ANTXRL: variants seen among roughly 807,000 people sequenced by gnomAD.
ANTXRL encodes the protein anthrax toxin receptor-like.
In ANTXRL, 63 loss-of-function variants were observed where a neutral mutation model predicts 75.4. That is an observed-to-expected ratio of 0.84 (90% confidence interval 0.68 to 1.03). The LOEUF (loss-of-function observed/expected upper bound fraction) is 1.03, where lower values mean the gene tolerates loss of function less well. Ranked by LOEUF, ANTXRL falls within the 50% of genes least tolerant of loss-of-function variation. The pLI, the probability that ANTXRL is intolerant of heterozygous loss-of-function variation, is 0.00. For synonymous variants in ANTXRL, 335 were observed against 291.3 expected (o/e 1.15, Z -1.53); for missense variants, 797 against 789.4 (o/e 1.01, Z -0.12).
At chr10:46,308,292 A>C (rs782506019) in intron 12 of ANTXRL, among the ~76,000 whole-genome samples, 23 of 152,092 alleles carry the variant, frequency 1.5e-4, no homozygotes, top group Non-Finnish European at 2.9e-4. Context: ...ACTGTGACAG[A>C]CACATCAGGA....
rs186672502 is a variant in ANTXRL, at chr10:46,303,582, T to C, written c.895+762T>C. Among the ~76,000 whole-genome samples the C allele has an allele frequency of 4.2e-4, 64 of 152,316 alleles. 1 individual carries two copies. Among genetic ancestry groups the C allele is most frequent in the African/African-American group, 1.4e-3 (59 of 41,556 alleles). ...GTTGGTGCTCAAGAAATGTCAGATT[T>C]TGAAGGATTTTGGGTGTGGATTTTC... is the stretch of plus-strand genomic sequence containing the variant. On this transcript the variant is annotated intron_variant, in intron 10 of 16. Coordinates refer to ENST00000620264, the MANE Select transcript of ANTXRL (RefSeq NM_001278688.3).
intron 9 of ANTXRL, among the ~76,000 whole-genome samples, chr10:46,301,754 C>T (rs1472027565): frequency 4.6e-5 from 7 of 152,218 alleles, no homozygotes; most frequent in African/African-American, 9.7e-5. Context: ...ACCCACAGCC[C>T]GCCTTGAAGG....
chr10:46,286,512 T>A (rs1369985959), upstream of ANTXRL: 1 of 152,050 alleles, frequency 6.6e-6, no homozygotes, highest in Non-Finnish European at 1.5e-5. Context: ...GCCCCAGACA[T>A]GAGGAGCCCT....
chr10:46,294,826 T>C (rs1161660118), intron 3 of ANTXRL, among the ~76,000 whole-genome samples: 1 of 126,774 alleles, frequency 7.9e-6, no homozygotes, highest in Non-Finnish European at 1.9e-5. Context: ...CCTCCCCTCC[T>C]GGGCTGGGCA....
In ANTXRL at chr10:46,315,706, A is replaced by G. The variant is rs2999409; in HGVS notation, c.1410+2390A>G. Among the ~76,000 whole-genome samples, 487 of 152,258 alleles carry G rather than the reference A, an allele frequency of 3.2e-3. 2 individuals are homozygous for G. The highest frequency in any genetic ancestry group is 8.5e-3 in the South Asian group (41 of 4,830). On this transcript the variant is annotated intron_variant, in intron 16 of 16. Coordinates refer to ENST00000620264, the MANE Select transcript of ANTXRL (RefSeq NM_001278688.3). ...AAGTTGATGAGCCTGTTTGACTGGA[A>G]TGTGCTGTCGAATTTAGAGGAGCTG...
chr10:46,304,426 C>G (rs1837947379), intron 10 of ANTXRL, among the ~76,000 whole-genome samples: 1 of 152,098 alleles, frequency 6.6e-6, no homozygotes, highest in African/African-American at 2.4e-5. Flanking sequence ...AAGACCATTA[C>G]TCTTGCCTAA....
intron 10 of ANTXRL, among the ~76,000 whole-genome samples, chr10:46,305,857 G>A (rs770680025): frequency 7.3e-5 from 11 of 151,550 alleles, no homozygotes; most frequent in African/African-American, 1.2e-4. Context: ...AAATGGTGTC[G>A]CTGTCCACCC....
At chr10:46,310,674 C>G (rs782194491) in intron 14 of ANTXRL, among the ~76,000 whole-genome samples, 175 bp downstream of exon 14, 25 of 152,052 alleles carry the variant, frequency 1.6e-4, no homozygotes, top group Non-Finnish European at 3.2e-4. Context: ...CCCCAGCATG[C>G]CCTTTCCGCT....
intron 16 of ANTXRL, among the ~76,000 whole-genome samples, chr10:46,318,669 T>G (rs1442872545): frequency 6.6e-6 from 1 of 152,020 alleles, no homozygotes; most frequent in Non-Finnish European, 1.5e-5. Flanking sequence ...AAACAATAAA[T>G]AGAGTATATA....
intron 3 of ANTXRL, 132 bp from the exon 4 acceptor site, chr10:46,295,886 CA>C: frequency 1.3e-6 from 1 of 750,258 alleles, no homozygotes; most frequent in Non-Finnish European, 2.3e-6. Context: ...ATGAGGAGGA[CA>C]AAGCCCTTGC....
chr10:46,310,578 C>T (rs1309205766), intron 14 of ANTXRL, 79 bp downstream of exon 14: 37 of 1,404,806 alleles, frequency 2.6e-5, no homozygotes, highest in Admixed American at 9.9e-5. Flanking sequence ...ATGAAGCCTG[C>T]GCCCCATGAT....
At chr10:46,322,327 G>T (rs1015568805) in intron 16 of ANTXRL, among the ~76,000 whole-genome samples, 2 of 151,922 alleles carry the variant, frequency 1.3e-5, no homozygotes, top group Non-Finnish European at 2.9e-5. Flanking sequence ...GTGTGGTGGC[G>T]TATGCCTGTA....
intron 1 of ANTXRL, among the ~76,000 whole-genome samples, chr10:46,290,258 G>A (rs1282984895): frequency 4.6e-5 from 7 of 151,794 alleles, no homozygotes; most frequent in African/African-American, 1.7e-4. Flanking sequence ...TGGACAGGTT[G>A]GTCTTGAACT....
chr10:46,296,340 G>A, intron 5 of ANTXRL, 88 bp downstream of exon 5: 1 of 1,411,658 alleles, frequency 7.1e-7, no homozygotes, highest in South Asian at 1.2e-5. Flanking sequence ...GAATCTGCAA[G>A]GCCACACCTG....
In ANTXRL at chr10:46,311,500, CT is replaced by C. The variant is rs1468684922; in HGVS notation, c.1174-3del. 2.0e-6 allele frequency: 3 copies of C among 1,525,390 alleles called. No homozygotes were observed. Among genetic ancestry groups the C allele is most frequent in the Non-Finnish European group, 1.8e-6 (2 of 1,141,470 alleles). The allele number at this position is 1,525,390 out of a possible 1,614,324, so 94.5% of individuals were successfully genotyped here. On this transcript the variant is annotated splice_polypyrimidine_tract_variant and intron_variant, in intron 14 of 16. Transcript: ENST00000620264. Reference sequence around the variant, plus strand: ...GCACTGTGAGCAGACAGTTGTTTTTCTTTTTTTAGGAGCCAGAGCAGGAAAA... The same window carrying C: ...GCACTGTGAGCAGACAGTTGTTTTTCTTTTTTAGGAGCCAGAGCAGGAAAA...
chr10:46,312,000 GC>G lies in ANTXRL; in HGVS notation c.1329+339del, dbSNP rs1554963670. ...CAGGGGTGCCTCAGCTCTGGCAGTG[GC>G]CCCTGGCTTTAGACCACTTGCCTGC... is the stretch of plus-strand genomic sequence containing the variant. On this transcript the variant is annotated intron_variant, in intron 15 of 16. Transcript: ENST00000620264. 1.4e-5 allele frequency among the ~76,000 whole-genome samples: 2 copies of G among 146,294 alleles called. 1 individual carries two copies. Among genetic ancestry groups the G allele is most frequent in the Non-Finnish European group, 3.0e-5 (2 of 65,574 alleles).
chr10:46,323,851 C>T (rs1554966017), intron 16 of ANTXRL, among the ~76,000 whole-genome samples: 1 of 152,108 alleles, frequency 6.6e-6, no homozygotes. Context: ...TAAAGATTCC[C>T]ATACTGCATT....
Position 46,311,606 on chromosome 10 carries a change from C to T in ANTXRL, c.1270C>T (p.Pro424Ser). 1 of 1,408,968 alleles carries T rather than the reference C, an allele frequency of 7.1e-7. No individual in the cohort carries two copies. The highest frequency in any genetic ancestry group is 1.2e-5 in the South Asian group (1 of 81,514). 87.3% of individuals were successfully genotyped at this position (1,408,968 alleles called of 1,614,324 possible). A position where few individuals can be genotyped will look rare whatever the true frequency, so the allele number is the denominator to read the frequency against. Reference protein sequence around the residue: ...PPPPAPVNTCPTVIICCCGCQ... With the variant: ...PPPPAPVNTCSTVIICCCGCQ... ...GCCCCCAGCTCCTGTAAACACCTGC[C>T]CCACTGTGATTATTTGTTGCTGTGG... Residue 424 changes from proline (P) to serine (S), a missense_variant, in exon 15 of 17, where the codon CCC becomes TCC. Coordinates refer to ENST00000620264, the MANE Select transcript of ANTXRL (RefSeq NM_001278688.3).
chr10:46,293,457 TGTGA>T (rs1371954163), intron 2 of ANTXRL, among the ~76,000 whole-genome samples: 2 of 99,702 alleles, frequency 2.0e-5, no homozygotes, highest in African/African-American at 6.2e-5. Flanking sequence ...TGGGTGCATG[TGTGA>T]GTGTGTGTGT....
Sources: allele counts gnomAD v4.1 joint callset (sites outside exome capture counted in the v4.1 genomes callset), GRCh38; gene constraint gnomAD v4.1.1; transcripts MANE v1.5; gene names NCBI Gene and HGNC (gene_info 2026-07-23, HGNC 2026-07-21).